Variants in TRPM2 observed in about 807,000 individuals in gnomAD.
TRPM2 encodes the protein transient receptor potential cation channel subfamily M member 2, also known as estrogen-responsive element-associated gene 1 protein.
TRPM2 carries 161 observed loss-of-function variants against 174.0 expected under a neutral mutation model. That is an observed-to-expected ratio of 0.93 (90% CI 0.81 to 1.05). The LOEUF (loss-of-function observed/expected upper bound fraction) is 1.05, where lower values mean the gene tolerates loss of function less well. Ranked by LOEUF, TRPM2 falls within the 50% of genes least tolerant of loss-of-function variation. TRPM2 has a pLI of 0.00. For synonymous variants in TRPM2, 954 were observed against 861.3 expected, an observed-to-expected ratio of 1.11 and a Z score of -1.88; for missense variants, 2,057 against 2,038.0, an observed-to-expected ratio of 1.01 and a Z score of -0.18.
intron 5 of TRPM2, 56 bp from the exon 6 acceptor site, chr21:44,375,777 C>A: frequency 5.2e-6 from 8 of 1,551,852 alleles, no homozygotes; most frequent in Non-Finnish European, 7.0e-6. Flanking sequence ...AGCCTGCTCG[C>A]GTTAGAGAGG....
At chr21:44,436,594 C>G (rs1225250810) in intron 28 of TRPM2, among the ~76,000 whole-genome samples, 1 of 132,970 alleles carries the variant, frequency 7.5e-6, no homozygotes, top group African/African-American at 2.9e-5. Context: ...CATGTCAACC[C>G]TGGGCTGCAC....
intron 15 of TRPM2, 135 bp from the exon 16 acceptor site, chr21:44,401,546 G>A (rs900967212): frequency 6.7e-5 from 57 of 852,402 alleles, no homozygotes; most frequent in East Asian, 5.0e-4. Flanking sequence ...TTATGGCCCC[G>A]GATCCCTGAG....
chr21:44,419,230 C>T lies in TRPM2; in HGVS notation c.3461+675C>T, dbSNP rs537329913. On this transcript the variant is annotated intron_variant, in intron 22 of 31. Coordinates refer to ENST00000397928, the MANE Select transcript of TRPM2 (RefSeq NM_003307.4). ...GGACACGGTGCCACCTAGTTATGGC[C>T]GTGTGGAGGCTCCTGCAGCCACAAA... Among the ~76,000 whole-genome samples the T allele has an allele frequency of 5.9e-5, 9 of 152,182 alleles. No individual in the cohort carries two copies. In the East Asian group the frequency reaches 1.4e-3, roughly 23 times the overall value.
rs188239543 is a variant in TRPM2 at position 44,354,915 on chromosome 21, C to T, written c.254+179C>T. Among the ~76,000 whole-genome samples the T allele has an allele frequency of 2.4e-4, 36 of 152,278 alleles. No individual in the cohort carries two copies. The highest frequency in any genetic ancestry group is 7.9e-4 in the African/African-American group (33 of 41,536). On this transcript the variant is annotated intron_variant, in intron 2 of 31. Coordinates refer to ENST00000397928, the MANE Select transcript of TRPM2 (RefSeq NM_003307.4). The surrounding 1 kb of genome is among the most constrained non-coding windows in gnomAD (Gnocchi z 4.3). Reference sequence around the variant, plus strand: ...CACCTAACCCTTGCAAGCCTCCTGTCGGGGACAGTTGACCCTCATCCTGCC... The same window carrying T: ...CACCTAACCCTTGCAAGCCTCCTGTTGGGGACAGTTGACCCTCATCCTGCC...
intron 23 of TRPM2, 50 bp from the exon 24 acceptor site, chr21:44,424,802 C>T: frequency 1.5e-6 from 2 of 1,306,518 alleles, no homozygotes; most frequent in Non-Finnish European, 2.1e-6. Context: ...GGGTGTGTAC[C>T]ATGCGTGTGG....
At chr21:44,407,198 G>C (rs1785442) in intron 19 of TRPM2, among the ~76,000 whole-genome samples, 62,845 of 79,836 alleles carry the variant, frequency 0.79, 23,289 homozygotes, top group Non-Finnish European at 0.82. Context: ...CCAGGCTGGA[G>C]TGCAGTGGCA....
chr21:44,392,605 A>G (rs1196672410), intron 11 of TRPM2, among the ~76,000 whole-genome samples: 2 of 152,032 alleles, frequency 1.3e-5, no homozygotes, highest in Non-Finnish European at 2.9e-5. Flanking sequence ...CTATCCACTT[A>G]GGAACCCACA....
At chr21:44,425,609 C>T in intron 24 of TRPM2, 61 bp from the exon 25 acceptor site, 1 of 1,431,888 alleles carries the variant, frequency 7.0e-7, no homozygotes, top group Non-Finnish European at 9.2e-7. Flanking sequence ...AGTCCTTGTC[C>T]TGCGGGCGGG....
intron 20 of TRPM2, chr21:44,414,497 C>T (rs1189394983): frequency 2.3e-5 from 4 of 176,992 alleles, no homozygotes; most frequent in East Asian, 3.1e-4. Flanking sequence ...GGGCTGTCCC[C>T]TTGTCACCCC....
At chr21:44,407,273 A>T (rs1041289064) in intron 19 of TRPM2, among the ~76,000 whole-genome samples, 2 of 142,456 alleles carry the variant, frequency 1.4e-5, no homozygotes, top group African/African-American at 5.3e-5. Flanking sequence ...CTGCATGTGC[A>T]CGCCAACACA....
At chr21:44,380,102 C>T (rs1000285585) in intron 8 of TRPM2, among the ~76,000 whole-genome samples, 8 of 152,286 alleles carry the variant, frequency 5.3e-5, no homozygotes, top group East Asian at 1.9e-4. Flanking sequence ...TCAGGAACCA[C>T]GGGTGTCGGA....
At chr21:44,381,112 G>T (rs2048868004) in intron 8 of TRPM2, among the ~76,000 whole-genome samples, 1 of 152,082 alleles carries the variant, frequency 6.6e-6, no homozygotes, top group African/African-American at 2.4e-5. Flanking sequence ...CACCGTTGGG[G>T]TCTTAGGCAT....
At chr21:44,359,757 A>ATATATATT (rs373833142) in intron 2 of TRPM2, among the ~76,000 whole-genome samples, 2 of 148,114 alleles carry the variant, frequency 1.4e-5, no homozygotes, top group African/African-American at 5.0e-5. Context: ...ATATATATAT[A>ATATATATT]TTTTTTTTGA....
intron 13 of TRPM2, among the ~76,000 whole-genome samples, chr21:44,398,765 CA>C (rs1324263626): frequency 6.6e-6 from 1 of 152,110 alleles, no homozygotes. Context: ...CTGGGTTTTC[CA>C]ATAGTGATGA....
At chr21:44,411,316 C>T (rs902511765) in intron 19 of TRPM2, among the ~76,000 whole-genome samples, 5 of 152,070 alleles carry the variant, frequency 3.3e-5, no homozygotes, top group African/African-American at 1.2e-4. Context: ...AATGCTTCTT[C>T]TGTTAAATTT....
intron 16 of TRPM2, among the ~76,000 whole-genome samples, chr21:44,404,550 A>G (rs2049793922): frequency 6.6e-6 from 1 of 152,174 alleles, no homozygotes; most frequent in African/African-American, 2.4e-5. Context: ...CATCTCCCTC[A>G]CTGACCCAGC....
Position 44,416,584 on chromosome 21 carries a change from C to G in TRPM2, c.3147-1343C>G, listed in dbSNP as rs182365187. 7.8e-4 allele frequency: 140 copies of G among 180,012 alleles called. 1 individual carries two copies. Among genetic ancestry groups the G allele is most frequent in the African/African-American group, 3.3e-3 (137 of 41,736 alleles). 11.2% of individuals were successfully genotyped at this position (180,012 alleles called of 1,614,324 possible). On this transcript the variant is annotated intron_variant, in intron 20 of 31. Coordinates refer to ENST00000397928, the MANE Select transcript of TRPM2 (RefSeq NM_003307.4). ...CAGTGTCTGTCTCCTGATAAACACC[C>G]ACTTCGTGTTATTAGCCAGTGAGGC... is the stretch of plus-strand genomic sequence containing the variant.
At chr21:44,383,970 T>C (rs1279604273) in intron 9 of TRPM2, among the ~76,000 whole-genome samples, 1 of 151,122 alleles carries the variant, frequency 6.6e-6, no homozygotes, top group African/African-American at 2.4e-5. Context: ...ACAAATGAAA[T>C]CCAAAAGTAG....
intron 27 of TRPM2, 51 bp downstream of exon 27, chr21:44,427,162 G>T (rs956604315): frequency 2.7e-6 from 4 of 1,455,748 alleles, no homozygotes; most frequent in Non-Finnish European, 3.7e-6. Flanking sequence ...GGGTTTGCCT[G>T]GGGGGCAGGT....
Sources: allele counts gnomAD v4.1 joint callset (sites outside exome capture counted in the v4.1 genomes callset), GRCh38; gene constraint gnomAD v4.1.1; non-coding constraint Gnocchi (gnomAD v3.1); transcripts MANE v1.5; gene names NCBI Gene and HGNC (gene_info 2026-07-23, HGNC 2026-07-21).